The following GRIK1 variants were observed in gnomAD, a reference collection of about 807,000 sequenced individuals.
The protein encoded by GRIK1 is glutamate receptor ionotropic, kainate 1.
In GRIK1, 69 loss-of-function variants were observed where a neutral mutation model predicts 105.7. The observed-to-expected ratio is 0.65, with a 90% CI of 0.54 to 0.80. The LOEUF (loss-of-function observed/expected upper bound fraction) is 0.80, where lower values mean the gene tolerates loss of function less well. Ranked by LOEUF, GRIK1 falls within the 30% of genes least tolerant of loss-of-function variation. GRIK1 has a pLI of 0.00. For missense variants in GRIK1, 1,109 were observed against 1,167.3 expected, an observed-to-expected ratio of 0.95 and a Z score of 0.73; for synonymous variants, 438 against 431.3, an observed-to-expected ratio of 1.02 and a Z score of -0.19.
intron 8 of GRIK1, among the ~76,000 whole-genome samples, chr21:29,597,028 C>A (rs947654080): frequency 6.6e-6 from 1 of 152,012 alleles, no homozygotes. Context: ...ATGACTTGTT[C>A]TTTGATTATG....
chr21:29,645,864 T>C (rs2062607540), intron 6 of GRIK1, among the ~76,000 whole-genome samples: 1 of 152,206 alleles, frequency 6.6e-6, no homozygotes. Context: ...AGAAAATCTT[T>C]TTACCACAAT....
chr21:29,895,016 G>A (rs1446549296), intron 1 of GRIK1, among the ~76,000 whole-genome samples: 2 of 152,160 alleles, frequency 1.3e-5, no homozygotes, highest in Admixed American at 6.5e-5. Flanking sequence ...CAATTAAGAT[G>A]CTTTTTCCTC....
At chr21:29,593,170 G>A (rs983941363) in intron 9 of GRIK1, among the ~76,000 whole-genome samples, 2 of 152,154 alleles carry the variant, frequency 1.3e-5, no homozygotes, top group African/African-American at 4.8e-5. Flanking sequence ...ATGAGGGTTA[G>A]TTGACTGGAG....
intron 1 of GRIK1, among the ~76,000 whole-genome samples, chr21:29,809,442 GAGCCTTC>G (rs1463993363): frequency 6.6e-6 from 1 of 152,298 alleles, no homozygotes; most frequent in East Asian, 1.9e-4. Context: ...ACTGTCACCT[GAGCCTTC>G]AGCAAGTTGT....
At chr21:29,565,545 G>A (rs2090592925) in intron 14 of GRIK1, among the ~76,000 whole-genome samples, 1 of 152,166 alleles carries the variant, frequency 6.6e-6, no homozygotes, top group Non-Finnish European at 1.5e-5. Context: ...TGATTCTCCG[G>A]CCTCAGCCTC....
chr21:29,902,726 A>G (rs2070455717), intron 1 of GRIK1, among the ~76,000 whole-genome samples: 1 of 152,234 alleles, frequency 6.6e-6, no homozygotes, highest in African/African-American at 2.4e-5. Flanking sequence ...GTCCAAAGTA[A>G]TTTATAGACT....
At chr21:29,721,837 C>G (rs1253995088) in intron 1 of GRIK1, among the ~76,000 whole-genome samples, 1 of 152,130 alleles carries the variant, frequency 6.6e-6, no homozygotes, top group African/African-American at 2.4e-5. Context: ...TCAATAGCCT[C>G]TCCTGCATCT....
At chr21:29,892,959 A>AGCTAACAT (rs2069958867) in intron 1 of GRIK1, among the ~76,000 whole-genome samples, 2 of 152,200 alleles carry the variant, frequency 1.3e-5, no homozygotes, top group Non-Finnish European at 2.9e-5. Flanking sequence ...GGATCACCCG[A>AGCTAACAT]GGTCAGGAGT....
intron 1 of GRIK1, among the ~76,000 whole-genome samples, chr21:29,791,309 G>A (rs2066406995): frequency 1.3e-5 from 2 of 152,086 alleles, no homozygotes; most frequent in Non-Finnish European, 2.9e-5. Flanking sequence ...TGCATTCCCA[G>A]GAGAAGAGGA....
At chr21:29,682,365 T>C (rs1056270067) in intron 3 of GRIK1, among the ~76,000 whole-genome samples, 6 of 152,230 alleles carry the variant, frequency 3.9e-5, no homozygotes, top group Non-Finnish European at 7.3e-5. Flanking sequence ...ATATTTATAA[T>C]GAAGTAAGGG....
chr21:29,839,059 C>CTTTTT (rs1555896811), intron 1 of GRIK1, among the ~76,000 whole-genome samples: 2 of 151,554 alleles, frequency 1.3e-5, no homozygotes, highest in African/African-American at 4.8e-5. Context: ...CTTTTCTTTT[C>CTTTTT]TTTTTTTTGA....
rs183912687 is a variant in GRIK1, at chr21:29,570,747, A to G, written c.2130+6217T>C. Among the ~76,000 whole-genome samples the G allele has an allele frequency of 2.4e-3, 362 of 152,054 alleles. No individual in the cohort carries two copies. The Middle Eastern group carries it at 0.024, about 10-fold the overall frequency. ...GACCAAATAGGCTATTGTATTTCCCATAGTGATTGAACTGTAAGTTCCAGA... is the reference window on the plus strand; with the variant it reads ...GACCAAATAGGCTATTGTATTTCCCGTAGTGATTGAACTGTAAGTTCCAGA... On this transcript the variant is annotated intron_variant, in intron 14 of 17. Transcript: ENST00000327783.
At chr21:29,796,540 C>T (rs2066560896) in intron 1 of GRIK1, among the ~76,000 whole-genome samples, 7 of 151,984 alleles carry the variant, frequency 4.6e-5, no homozygotes, top group Admixed American at 4.6e-4. Context: ...TATTTTGTAA[C>T]TTTAGGCACT....
At position 29,614,402 on chromosome 21, in the gene GRIK1, C is replaced by CTTT. The variant is rs35063316; in HGVS notation, c.1099-15468_1099-15466dup. On this transcript the variant is annotated intron_variant, in intron 7 of 17. Coordinates refer to ENST00000327783, the MANE Select transcript of GRIK1 (RefSeq NM_001330994.2). ...TAATTGCCTGGAGAATAAAATCCCT[C>CTTT]TTTTTTTTTTTTTTTTTTTTTTTTT... is the stretch of plus-strand genomic sequence containing the variant. Among the ~76,000 whole-genome samples, 37 of 83,086 alleles carry CTTT rather than the reference C, an allele frequency of 4.5e-4. 1 individual carries two copies. The highest frequency in any genetic ancestry group is 1.4e-3 in the Admixed American group (10 of 7,018). 54.5% of individuals were successfully genotyped at this position (83,086 alleles called of 152,430 possible).
At chr21:29,684,389 C>G (rs1346620000) in intron 3 of GRIK1, among the ~76,000 whole-genome samples, 1 of 152,176 alleles carries the variant, frequency 6.6e-6, no homozygotes, top group African/African-American at 2.4e-5. Context: ...TACCTATCAT[C>G]TATCTAATCT....
At chr21:29,937,085 T>C (rs1401319368) in intron 1 of GRIK1, among the ~76,000 whole-genome samples, 1 of 152,190 alleles carries the variant, frequency 6.6e-6, no homozygotes, top group Non-Finnish European at 1.5e-5. Flanking sequence ...TCTTTTTCCT[T>C]ACACACACTC....
At chr21:29,834,010 T>C (rs1221791125) in intron 1 of GRIK1, among the ~76,000 whole-genome samples, 2 of 152,166 alleles carry the variant, frequency 1.3e-5, no homozygotes, top group Non-Finnish European at 2.9e-5. Context: ...TATAATTGTA[T>C]ACAAATGTAT....
chr21:29,846,700 T>A (rs2068136069), intron 1 of GRIK1, among the ~76,000 whole-genome samples: 1 of 151,636 alleles, frequency 6.6e-6, no homozygotes, highest in African/African-American at 2.4e-5. Context: ...GCTTAAAGAA[T>A]GAGAAGGGAG....
At chr21:29,855,377 C>A (rs559322373) in intron 1 of GRIK1, among the ~76,000 whole-genome samples, 1 of 152,212 alleles carries the variant, frequency 6.6e-6, no homozygotes, top group Non-Finnish European at 1.5e-5. Context: ...CCAAAAATAC[C>A]ATCTTTAAAG....
Sources: allele counts gnomAD v4.1 joint callset (sites outside exome capture counted in the v4.1 genomes callset), GRCh38; gene constraint gnomAD v4.1.1; transcripts MANE v1.5; gene names NCBI Gene and HGNC (gene_info 2026-07-23, HGNC 2026-07-21).